GNAL: variants seen among roughly 807,000 people sequenced by gnomAD.
GNAL encodes guanine nucleotide-binding protein G(olf) subunit alpha.
Under a neutral mutation model 55.1 loss-of-function variants are expected in GNAL, and 18 were observed. The observed-to-expected ratio is 0.33, with a 90% CI of 0.23 to 0.48. The LOEUF is 0.48. Ranked by LOEUF, GNAL falls within the 20% of genes least tolerant of loss-of-function variation. The pLI, the probability that GNAL is intolerant of heterozygous loss-of-function variation, is 0.99. For missense variants in GNAL, 412 were observed against 614.1 expected (o/e 0.67, Z 3.48); for synonymous variants, 253 against 237.0 (o/e 1.07, Z -0.62).
chr18:11,834,954 T>C (rs2035468032), intron 5 of GNAL, among the ~76,000 whole-genome samples: 1 of 152,212 alleles, frequency 6.6e-6, no homozygotes, highest in African/African-American at 2.4e-5. Context: ...CCTCTGTGCC[T>C]CTTAGGGACT....
At position 11,867,231 on chromosome 18, in the gene GNAL, T is replaced by C. The variant is rs111767262; in HGVS notation, c.910+5T>C. The C allele has an allele frequency of 3.8e-4, 598 of 1,572,938 alleles. 9 individuals are homozygous for C. The African/African-American group carries it at 7.0e-3, about 18-fold the overall frequency. On this transcript the variant is annotated splice_donor_5th_base_variant and intron_variant, in intron 8 of 11. Transcript: ENST00000334049. ...AATGGATCCAGTGCTTTAACGGTGATTTTTTTATGCTCTCTCAAGAAAATA... is the reference window on the plus strand; with the variant it reads ...AATGGATCCAGTGCTTTAACGGTGACTTTTTTATGCTCTCTCAAGAAAATA...
chr18:11,829,724 C>T (rs60682158), intron 5 of GNAL, among the ~76,000 whole-genome samples: 18,367 of 152,138 alleles, frequency 0.12, 1,530 homozygotes, highest in East Asian at 0.37. Context: ...AGTCAGCGCT[C>T]AGTCAACGGG....
chr18:11,692,015 G>GA (rs765834820), intron 1 of GNAL, among the ~76,000 whole-genome samples: 44 of 150,796 alleles, frequency 2.9e-4, no homozygotes, highest in South Asian at 8.4e-4. Context: ...ACCGTAGAAT[G>GA]AAAAAAAAAT....
At chr18:11,836,004 G>T (rs948409433) in intron 5 of GNAL, among the ~76,000 whole-genome samples, 3 of 152,044 alleles carry the variant, frequency 2.0e-5, no homozygotes, top group African/African-American at 7.2e-5. Flanking sequence ...AAAATTAGCT[G>T]GGCATAGTGC....
intron 5 of GNAL, among the ~76,000 whole-genome samples, chr18:11,847,399 T>G (rs1168898188): frequency 2.6e-5 from 3 of 117,640 alleles, no homozygotes; most frequent in Non-Finnish European, 3.7e-5. Context: ...TTTTATTTTC[T>G]TTTTTTTTTT....
At chr18:11,790,904 G>A (rs563443833) in intron 4 of GNAL, among the ~76,000 whole-genome samples, 1 of 152,154 alleles carries the variant, frequency 6.6e-6, no homozygotes, top group Admixed American at 6.5e-5. Context: ...TAATCCGCCT[G>A]CCTCAGCTTC....
intron 5 of GNAL, among the ~76,000 whole-genome samples, chr18:11,856,479 G>A (rs148977110): frequency 1.3e-5 from 2 of 151,204 alleles, no homozygotes; most frequent in South Asian, 2.1e-4. Flanking sequence ...CACCCTAAGC[G>A]CACAGAGTCC....
chr18:11,743,780 T>A (rs1404422959), intron 1 of GNAL, among the ~76,000 whole-genome samples: 1 of 152,248 alleles, frequency 6.6e-6, no homozygotes, highest in Admixed American at 6.5e-5. Flanking sequence ...TGATTTTCAC[T>A]GTTCAAATGC....
chr18:11,763,533 T>C (rs2033311247), intron 4 of GNAL, among the ~76,000 whole-genome samples: 1 of 151,944 alleles, frequency 6.6e-6, no homozygotes, highest in African/African-American at 2.4e-5. Flanking sequence ...CCCACCACCA[T>C]GCCTGGCTAA....
chr18:11,854,258 A>G (rs1486375956), intron 5 of GNAL: 2 of 167,088 alleles, frequency 1.2e-5, no homozygotes, highest in Non-Finnish European at 2.9e-5. Flanking sequence ...GAGATTAAAC[A>G]ATGCTTGTAT....
In GNAL at chr18:11,880,119, T is replaced by C. The variant is rs575991174; in HGVS notation, c.1231-870T>C. The stretch of plus-strand genomic sequence containing the variant: ...TAAAAATACAAAAAGTAGCCAGGCG[T>C]GGTGGCGCACGCCTGTAATCCCAGC... On this transcript the variant is annotated intron_variant, in intron 11 of 11. Transcript: ENST00000334049. Among the ~76,000 whole-genome samples the C allele has an allele frequency of 2.7e-5, 4 of 149,102 alleles. 1 individual carries two copies. The East Asian group carries it at 8.5e-4, about 32-fold the overall frequency.
chr18:11,876,517 T>G (rs1250724805), intron 10 of GNAL, 104 bp from the exon 11 acceptor site: 2 of 759,140 alleles, frequency 2.6e-6, no homozygotes, highest in Admixed American at 4.2e-5. Context: ...ATTTTAATGC[T>G]GGGAATATAC....
At chr18:11,793,547 A>C (rs2034292609) in intron 4 of GNAL, among the ~76,000 whole-genome samples, 2 of 151,790 alleles carry the variant, frequency 1.3e-5, no homozygotes, top group East Asian at 1.9e-4. Flanking sequence ...GTGCCACCAC[A>C]TTGCAGCCTG....
intron 4 of GNAL, among the ~76,000 whole-genome samples, chr18:11,767,878 T>A (rs2033462642): frequency 6.6e-6 from 1 of 152,220 alleles, no homozygotes; most frequent in Non-Finnish European, 1.5e-5. Flanking sequence ...ACAGTTTGCA[T>A]GCTGTGTAGA....
At chr18:11,821,308 A>G (rs1051562845) in intron 4 of GNAL, among the ~76,000 whole-genome samples, 2 of 152,202 alleles carry the variant, frequency 1.3e-5, no homozygotes, top group Non-Finnish European at 2.9e-5. Context: ...TTTAATATAT[A>G]CATAATAAAA....
At chr18:11,817,669 A>G (rs947295390) in intron 4 of GNAL, among the ~76,000 whole-genome samples, 2 of 152,034 alleles carry the variant, frequency 1.3e-5, no homozygotes, top group Non-Finnish European at 1.5e-5. Flanking sequence ...TGCTCACTGC[A>G]ACCTCCACCT....
intron 4 of GNAL, among the ~76,000 whole-genome samples, chr18:11,815,910 A>C (rs1407754563): frequency 6.6e-6 from 1 of 152,194 alleles, no homozygotes; most frequent in African/African-American, 2.4e-5. Context: ...GGGAAATGCA[A>C]ATTAAAACCA....
At chr18:11,750,279 G>A (rs1183218780) in intron 1 of GNAL, among the ~76,000 whole-genome samples, 2 of 152,154 alleles carry the variant, frequency 1.3e-5, no homozygotes, top group African/African-American at 4.8e-5. Flanking sequence ...AGGGTGGCAC[G>A]GGGCATGAGC....
chr18:11,885,150 T>G lies in GNAL; in HGVS notation c.*4015T>G, dbSNP rs2036997864. ...TCATTTACTTTGAATTTGAAAATGTTAGGGTTTCCTCCACCTTTTTATGAA... is the reference window on the plus strand; with the variant it reads ...TCATTTACTTTGAATTTGAAAATGTGAGGGTTTCCTCCACCTTTTTATGAA... On this transcript the variant is annotated 3_prime_UTR_variant, in exon 12 of 12. Coordinates refer to ENST00000334049, the MANE Select transcript of GNAL (RefSeq NM_182978.4). 1 of 875,378 alleles carries G rather than the reference T, an allele frequency of 1.1e-6. No homozygotes were observed. The highest frequency in any genetic ancestry group is 1.5e-6 in the Non-Finnish European group (1 of 657,450). 54.2% of individuals were successfully genotyped at this position (875,378 alleles called of 1,614,324 possible).
Sources: allele counts gnomAD v4.1 joint callset (sites outside exome capture counted in the v4.1 genomes callset), GRCh38; gene constraint gnomAD v4.1.1; transcripts MANE v1.5; gene names NCBI Gene and HGNC (gene_info 2026-07-23, HGNC 2026-07-21).